Variants in GALNT2 observed in about 807,000 individuals in gnomAD.
GALNT2 encodes the protein polypeptide N-acetylgalactosaminyltransferase 2, also known as UDP-GalNAc:polypeptide N-acetylgalactosaminyltransferase 2.
A neutral mutation model predicts 81.4 loss-of-function variants in GALNT2; 31 were observed. The observed-to-expected ratio is 0.38, with a 90% confidence interval of 0.29 to 0.51. The LOEUF is 0.51. Among genes scored for constraint, GALNT2 ranks in the 20% least tolerant of loss-of-function variants. GALNT2 has a pLI of 0.87. For synonymous variants in GALNT2, 303 were observed against 287.4 expected (o/e 1.05, Z -0.55); for missense variants, 629 against 765.7 (o/e 0.82, Z 2.11).
chr1:230,205,790 A>G (rs892802368), intron 3 of GALNT2, among the ~76,000 whole-genome samples: 2 of 152,182 alleles, frequency 1.3e-5, no homozygotes, highest in African/African-American at 4.8e-5. Context: ...CCCCAGGCTA[A>G]CCAGGCCAAG....
chr1:230,220,674 G>A (rs1016505523), intron 3 of GALNT2, among the ~76,000 whole-genome samples: 28 of 152,100 alleles, frequency 1.8e-4, no homozygotes, highest in Non-Finnish European at 3.8e-4. Flanking sequence ...CTGCAAAGAG[G>A]CATCCCCTGG....
chr1:230,230,878 G>T (rs754830839), intron 3 of GALNT2, among the ~76,000 whole-genome samples: 2 of 152,066 alleles, frequency 1.3e-5, no homozygotes, highest in South Asian at 4.1e-4. Context: ...TTTGGTCTTC[G>T]TGGCTATCTC....
At chr1:230,247,222 T>TAC (rs1225608582) in intron 8 of GALNT2, among the ~76,000 whole-genome samples, 2 of 152,148 alleles carry the variant, frequency 1.3e-5, no homozygotes, top group East Asian at 1.9e-4. Context: ...TGCTTATTCA[T>TAC]ACACACACAC....
chr1:230,102,141 G>C (rs1274750813), intron 1 of GALNT2, among the ~76,000 whole-genome samples: 1 of 152,174 alleles, frequency 6.6e-6, no homozygotes, highest in Non-Finnish European at 1.5e-5. Context: ...TCAAAACTTT[G>C]CCTGTTCTCT....
chr1:230,122,403 C>T (rs143629015), intron 1 of GALNT2, among the ~76,000 whole-genome samples: 95 of 152,292 alleles, frequency 6.2e-4, no homozygotes, highest in African/African-American at 1.9e-3. Context: ...GTGGCTGCTC[C>T]GCTGCTCCTC....
intron 2 of GALNT2, among the ~76,000 whole-genome samples, chr1:230,181,452 A>G (rs1663158594): frequency 6.6e-6 from 1 of 152,182 alleles, no homozygotes; most frequent in Non-Finnish European, 1.5e-5. Context: ...CTACTTGATC[A>G]TGGTGTATAA....
chr1:230,197,335 G>T (rs1663728181), intron 2 of GALNT2, among the ~76,000 whole-genome samples: 1 of 152,162 alleles, frequency 6.6e-6, no homozygotes, highest in Admixed American at 6.5e-5. Flanking sequence ...CATGAATTCA[G>T]TGCATCCGCA....
At chr1:230,202,983 G>C (rs1020343735) in intron 2 of GALNT2, among the ~76,000 whole-genome samples, 154 bp from the exon 3 acceptor site, 2 of 152,198 alleles carry the variant, frequency 1.3e-5, no homozygotes, top group Non-Finnish European at 2.9e-5. Flanking sequence ...GATGATGCTT[G>C]CTTGTGCTGT....
chr1:230,058,186 C>A, intron 1 of GALNT2: 1 of 447,908 alleles, frequency 2.2e-6, no homozygotes. Flanking sequence ...CTGGCCTCCT[C>A]CTTCCTAGGC....
chr1:230,143,587 G>A (rs562521981), intron 1 of GALNT2, among the ~76,000 whole-genome samples: 1 of 152,322 alleles, frequency 6.6e-6, no homozygotes, highest in South Asian at 2.1e-4. Context: ...GAAAGAGGTC[G>A]TCTGTCGGCC....
chr1:230,119,890 T>C (rs747449922), intron 1 of GALNT2, among the ~76,000 whole-genome samples: 29 of 152,158 alleles, frequency 1.9e-4, no homozygotes, highest in South Asian at 1.0e-3. Flanking sequence ...CTACATCCCA[T>C]TGGCGTGATT....
chr1:230,160,812 G>C lies in GALNT2; in HGVS notation c.127-17406G>C, dbSNP rs369811410. On this transcript the variant is annotated intron_variant, in intron 1 of 15. Transcript: ENST00000366672. ...TTTAAAAAGCCCTGTGGATGCGCAG[G>C]CTCTCTTAGACCCTTTTTCTGTGTT... Among the ~76,000 whole-genome samples the C allele has an allele frequency of 6.6e-5, 10 of 152,240 alleles. No homozygotes were observed. The East Asian group carries it at 1.4e-3, about 21-fold the overall frequency.
At chr1:230,234,725 A>T (rs896408987) in intron 3 of GALNT2, among the ~76,000 whole-genome samples, 3 of 152,190 alleles carry the variant, frequency 2.0e-5, no homozygotes, top group African/African-American at 7.2e-5. Context: ...GTGGGCTGTC[A>T]GTCCTGCCCA....
intron 1 of GALNT2, among the ~76,000 whole-genome samples, chr1:230,135,234 A>C (rs1661498248): frequency 1.3e-5 from 2 of 150,630 alleles, no homozygotes; most frequent in African/African-American, 4.9e-5. Flanking sequence ...AGTGTCCTAG[A>C]CTCGGGGGTG....
chr1:230,236,582 A>T, intron 5 of GALNT2, 78 bp from the exon 6 acceptor site: 1 of 1,480,478 alleles, frequency 6.8e-7, no homozygotes, highest in Non-Finnish European at 9.3e-7. Flanking sequence ...CCCTTAGATG[A>T]TTGAGAATAC....
chr1:230,214,190 G>A (rs909492968), intron 3 of GALNT2, among the ~76,000 whole-genome samples: 18 of 151,268 alleles, frequency 1.2e-4, no homozygotes, highest in African/African-American at 4.1e-4. Flanking sequence ...TAAGCTCACT[G>A]CAACCTCCGC....
chr1:230,069,460 G>C (rs1176570032), intron 1 of GALNT2, among the ~76,000 whole-genome samples: 1 of 152,134 alleles, frequency 6.6e-6, no homozygotes, highest in East Asian at 1.9e-4. Flanking sequence ...TTAGTGATTT[G>C]TCGGTTGAGG....
intron 1 of GALNT2, among the ~76,000 whole-genome samples, chr1:230,143,102 A>G (rs1463526292): frequency 6.6e-6 from 1 of 152,124 alleles, no homozygotes; most frequent in East Asian, 1.9e-4. Flanking sequence ...TGGCTCCTCT[A>G]GGCTTCTGGT....
At position 230,153,522 on chromosome 1, in the gene GALNT2, G is replaced by A. The variant is rs550561770; in HGVS notation, c.127-24696G>A. Among the ~76,000 whole-genome samples the A allele has an allele frequency of 3.6e-4, 55 of 151,962 alleles. No homozygotes were observed. The South Asian group carries it at 4.4e-3, about 12-fold the overall frequency. On this transcript the variant is annotated intron_variant, in intron 1 of 15. Transcript: ENST00000366672. ...CACCCATAATGCTTTCTGTGTAGAA[G>A]CAAGCATTACAGTGGCCTTGGTGGT... is the stretch of plus-strand genomic sequence containing the variant.
Sources: allele counts gnomAD v4.1 joint callset (sites outside exome capture counted in the v4.1 genomes callset), GRCh38; gene constraint gnomAD v4.1.1; transcripts MANE v1.5; gene names NCBI Gene and HGNC (gene_info 2026-07-23, HGNC 2026-07-21).